GPAT3: variants seen among roughly 807,000 people sequenced by gnomAD.
The protein encoded by GPAT3 is 1-AGP acyltransferase 9.
In GPAT3, 53 loss-of-function variants were observed where a neutral mutation model predicts 58.8. That is an observed-to-expected ratio of 0.90 (90% CI 0.72 to 1.13). GPAT3 has a LOEUF of 1.13. GPAT3 is among the 50% of genes most tolerant of loss of function. The pLI, the probability that GPAT3 is intolerant of heterozygous loss-of-function variation, is 0.00. For missense variants in GPAT3, 511 were observed against 527.6 expected (o/e 0.97, Z 0.31); for synonymous variants, 197 against 187.4 (o/e 1.05, Z -0.42).
intron 1 of GPAT3, among the ~76,000 whole-genome samples, chr4:83,542,810 C>A (rs1437440947): frequency 6.6e-6 from 1 of 151,738 alleles, no homozygotes; most frequent in African/African-American, 2.4e-5. Flanking sequence ...CCACACTGGA[C>A]AACATAGTGA....
chr4:83,593,299 G>A (rs1337519683), intron 6 of GPAT3, among the ~76,000 whole-genome samples: 3 of 151,282 alleles, frequency 2.0e-5, no homozygotes, highest in African/African-American at 7.3e-5. Context: ...CAAGTAGCTG[G>A]GATTACAGGT....
intron 2 of GPAT3, among the ~76,000 whole-genome samples, chr4:83,577,611 C>T (rs561929741): frequency 3.2e-4 from 48 of 152,120 alleles, no homozygotes; most frequent in African/African-American, 9.9e-4. Flanking sequence ...GTTGCAACTT[C>T]GCTGTATGTT....
intron 2 of GPAT3, among the ~76,000 whole-genome samples, chr4:83,563,785 G>C (rs1439403043): frequency 1.3e-5 from 2 of 151,974 alleles, no homozygotes; most frequent in Non-Finnish European, 2.9e-5. Context: ...CCGGCCAAGT[G>C]TTTATTATTT....
intron 6 of GPAT3, among the ~76,000 whole-genome samples, chr4:83,591,365 A>G (rs1726594530): frequency 6.6e-6 from 1 of 152,204 alleles, no homozygotes; most frequent in African/African-American, 2.4e-5. Context: ...GGCCAGATAT[A>G]TAACTCTTGG....
intron 2 of GPAT3, among the ~76,000 whole-genome samples, chr4:83,564,375 C>T (rs779203115): frequency 6.6e-6 from 1 of 152,020 alleles, no homozygotes. Context: ...TCAGGCTATC[C>T]TGTTTGTTTT....
chr4:83,597,587 A>C, intron 9 of GPAT3, 72 bp downstream of exon 9: 1 of 1,165,006 alleles, frequency 8.6e-7, no homozygotes. Flanking sequence ...TTTTGGTAGC[A>C]TTTCAAACTT....
intron 2 of GPAT3, among the ~76,000 whole-genome samples, chr4:83,562,249 A>C (rs1166772456): frequency 2.7e-5 from 3 of 112,084 alleles, no homozygotes; most frequent in Non-Finnish European, 5.4e-5. Flanking sequence ...ATATATATAT[A>C]AAATATAGTT....
At chr4:83,581,883 T>C (rs765065079) in intron 3 of GPAT3, 51 bp downstream of exon 3, 15 of 1,559,504 alleles carry the variant, frequency 9.6e-6, no homozygotes, top group Admixed American at 5.5e-5. Flanking sequence ...AGCTTTCTTT[T>C]TGAATCATGT....
At chr4:83,538,047 T>C (rs1161102826) in intron 1 of GPAT3, among the ~76,000 whole-genome samples, 1 of 152,200 alleles carries the variant, frequency 6.6e-6, no homozygotes, top group Non-Finnish European at 1.5e-5. Context: ...ATAATATGAT[T>C]ACTGAGATTC....
chr4:83,543,892 C>T (rs1185718677), intron 1 of GPAT3, among the ~76,000 whole-genome samples: 4 of 152,162 alleles, frequency 2.6e-5, no homozygotes, highest in African/African-American at 7.2e-5. Context: ...CCACCCTCCT[C>T]GGCCTCCCAA....
intron 2 of GPAT3, among the ~76,000 whole-genome samples, chr4:83,551,289 G>C (rs1465494949): frequency 1.3e-5 from 2 of 152,008 alleles, no homozygotes; most frequent in Admixed American, 6.6e-5. Flanking sequence ...ACCATATTGA[G>C]AGAAAAGAAA....
intron 1 of GPAT3, among the ~76,000 whole-genome samples, chr4:83,540,929 A>G (rs915420554): frequency 6.6e-6 from 1 of 152,122 alleles, no homozygotes; most frequent in African/African-American, 2.4e-5. Context: ...TCCTCAAGCG[A>G]TCTGCCCGCC....
intron 8 of GPAT3, among the ~76,000 whole-genome samples, chr4:83,597,138 G>A (rs565906598): frequency 6.6e-6 from 1 of 152,242 alleles, no homozygotes; most frequent in African/African-American, 2.4e-5. Flanking sequence ...TGAACTGAGA[G>A]CAGAATTGTC....
intron 2 of GPAT3, among the ~76,000 whole-genome samples, chr4:83,550,354 A>G (rs898720433): frequency 2.0e-5 from 3 of 152,226 alleles, no homozygotes; most frequent in South Asian, 2.1e-4. Flanking sequence ...TAGCATGGCC[A>G]AATGTCCCCC....
At chr4:83,549,471 GTATATA>G (rs57866394) in intron 2 of GPAT3, among the ~76,000 whole-genome samples, 3 of 99,026 alleles carry the variant, frequency 3.0e-5, no homozygotes, top group African/African-American at 5.7e-5. Flanking sequence ...GTGTGTGTAT[GTATATA>G]TATATGAAAT....
chr4:83,552,553 G>A lies in GPAT3; in HGVS notation c.208+7951G>A, dbSNP rs1315402799. Among the ~76,000 whole-genome samples the A allele has an allele frequency of 2.0e-5, 3 of 152,336 alleles. No individual in the cohort carries two copies. In the South Asian group the frequency reaches 6.2e-4, roughly 32 times the overall value. ...GACAAAGTAAGGCATAGGTGGGGGT[G>A]CTTAGATGAGCAGCAGGATTAGCAG... On this transcript the variant is annotated intron_variant, in intron 2 of 11. Coordinates refer to ENST00000264409, the MANE Select transcript of GPAT3 (RefSeq NM_032717.5).
chr4:83,574,292 G>A (rs1010626350), intron 2 of GPAT3, among the ~76,000 whole-genome samples: 2 of 152,166 alleles, frequency 1.3e-5, no homozygotes, highest in African/African-American at 4.8e-5. Flanking sequence ...TACAACTGGA[G>A]GACAGAAAAA....
At chr4:83,594,739 G>T in intron 6 of GPAT3, 106 bp from the exon 7 acceptor site, 2 of 874,754 alleles carry the variant, frequency 2.3e-6, no homozygotes, top group East Asian at 4.9e-5. Context: ...TCAGTAGAAG[G>T]CCAATCATAT....
chr4:83,535,715 G>A, upstream of GPAT3: 1 of 985,412 alleles, frequency 1.0e-6, no homozygotes, highest in Non-Finnish European at 1.2e-6. Flanking sequence ...GCAAGATTGA[G>A]CCCCACAGCT....
Sources: allele counts gnomAD v4.1 joint callset (sites outside exome capture counted in the v4.1 genomes callset), GRCh38; gene constraint gnomAD v4.1.1; transcripts MANE v1.5; gene names NCBI Gene and HGNC (gene_info 2026-07-23, HGNC 2026-07-21).